Variants in ALDH1L2 observed in about 807,000 individuals in gnomAD.
ALDH1L2 encodes the protein mitochondrial 10-formyltetrahydrofolate dehydrogenase.
Under a neutral mutation model 111.0 loss-of-function variants are expected in ALDH1L2, and 91 were observed. The observed-to-expected ratio is 0.82, with a 90% confidence interval of 0.69 to 0.98. The LOEUF is 0.98. Ranked by LOEUF, ALDH1L2 falls within the 50% of genes least tolerant of loss-of-function variation. The pLI, the probability that ALDH1L2 is intolerant of heterozygous loss-of-function variation, is 0.00. For synonymous variants in ALDH1L2, 374 were observed against 392.6 expected (o/e 0.95, Z 0.56); for missense variants, 995 against 1,126.8 (o/e 0.88, Z 1.67).
At chr12:105,055,333 T>A (rs1876547242) in intron 10 of ALDH1L2, among the ~76,000 whole-genome samples, 2 of 152,162 alleles carry the variant, frequency 1.3e-5, no homozygotes, top group African/African-American at 4.8e-5. Context: ...GAACAGAGAC[T>A]TCAGTAGTGG....
At chr12:105,084,230 T>TTTTGTTTG (rs374082092) in intron 1 of ALDH1L2, among the ~76,000 whole-genome samples, 159 bp downstream of exon 1, 1 of 151,972 alleles carries the variant, frequency 6.6e-6, no homozygotes, top group African/African-American at 2.4e-5. Context: ...GTCTCTCTGT[T>TTTTGTTTG]TTTGTTTGTT....
chr12:105,032,092 T>C (rs1874733540), intron 19 of ALDH1L2, among the ~76,000 whole-genome samples, 158 bp from the exon 20 acceptor site: 1 of 151,046 alleles, frequency 6.6e-6, no homozygotes, highest in African/African-American at 2.4e-5. Flanking sequence ...TTTTTTTTCC[T>C]TTTTGGAGAC....
At chr12:105,038,281 C>T in intron 17 of ALDH1L2, 79 bp from the exon 18 acceptor site, 1 of 33,778 alleles carries the variant, frequency 3.0e-5, no homozygotes, top group Non-Finnish European at 5.1e-5. Flanking sequence ...CACACACAAA[C>T]ACACACACAC....
intron 9 of ALDH1L2, among the ~76,000 whole-genome samples, chr12:105,060,046 C>T (rs1272186535): frequency 6.6e-6 from 1 of 152,152 alleles, no homozygotes; most frequent in East Asian, 1.9e-4. Context: ...CTTTCTGGGA[C>T]TCCAGCCCTT....
chr12:105,083,543 C>T (rs1430176042), intron 1 of ALDH1L2, among the ~76,000 whole-genome samples: 1 of 152,142 alleles, frequency 6.6e-6, no homozygotes, highest in East Asian at 1.9e-4. Context: ...ATGGCTTTGG[C>T]ATGGCCGAGA....
At chr12:105,066,125 C>A (rs190412722) in intron 5 of ALDH1L2, among the ~76,000 whole-genome samples, 23 of 152,180 alleles carry the variant, frequency 1.5e-4, no homozygotes, top group African/African-American at 5.1e-4. Flanking sequence ...ACCTAGCATG[C>A]CAGATTTTTT....
rs1279757086 is a variant in ALDH1L2, at chr12:105,073,961, G to C, written c.93C>G (p.Ser31Arg). Residue 31 changes from serine (S) to arginine (R), a missense_variant, in exon 2 of 23, where the codon AGC becomes AGG. Coordinates refer to ENST00000258494, the MANE Select transcript of ALDH1L2 (RefSeq NM_001034173.4). ...GGCTATAGACTTCTTGTCCAAAGAG[G>C]CTCTGGCCAATTAGTGCCAACTTCA... is the stretch of plus-strand genomic sequence containing the variant. ...NKLKLALIGQSLFGQEVYSHL... is the reference protein window; with the variant it reads ...NKLKLALIGQRLFGQEVYSHL... 6.2e-7 allele frequency: 1 copy of C among 1,614,126 alleles called. No homozygotes were observed. The highest frequency in any genetic ancestry group is 1.7e-5 in the Admixed American group (1 of 60,020).
At chr12:105,064,804 C>T (rs1013715979) in intron 6 of ALDH1L2, among the ~76,000 whole-genome samples, 2 of 152,220 alleles carry the variant, frequency 1.3e-5, no homozygotes, top group African/African-American at 4.8e-5. Flanking sequence ...TCTCCCGCCT[C>T]AGCTCTCCCC....
intron 19 of ALDH1L2, among the ~76,000 whole-genome samples, chr12:105,033,380 C>T (rs1397347821): frequency 6.6e-6 from 1 of 152,170 alleles, no homozygotes; most frequent in Non-Finnish European, 1.5e-5. Flanking sequence ...TATAGCACTG[C>T]AGACTGTCTT....
intron 2 of ALDH1L2, among the ~76,000 whole-genome samples, chr12:105,071,625 TATATATATATATATATA>T (rs1219235634): frequency 4.2e-4 from 7 of 16,674 alleles, no homozygotes; most frequent in East Asian, 2.0e-3. Context: ...TATATATATA[TATATATATATATATATA>T]TTTTTTTTTT....
chr12:105,048,028 A>G (rs1278938983), intron 13 of ALDH1L2: 1 of 152,230 alleles, frequency 6.6e-6, no homozygotes, highest in Non-Finnish European at 1.5e-5. Context: ...TTCAGGTTTC[A>G]GAACTATTTG....
At chr12:105,080,176 T>A (rs1348318885) in intron 1 of ALDH1L2, among the ~76,000 whole-genome samples, 1 of 152,228 alleles carries the variant, frequency 6.6e-6, no homozygotes, top group African/African-American at 2.4e-5. Flanking sequence ...GGATCATTTT[T>A]AAACATAAAT....
At chr12:105,066,505 G>T in intron 5 of ALDH1L2, 63 bp downstream of exon 5, 1 of 1,456,468 alleles carries the variant, frequency 6.9e-7, no homozygotes, top group Non-Finnish European at 9.5e-7. Context: ...AGTATGTGGG[G>T]AACTACTGAA....
intron 17 of ALDH1L2, 135 bp downstream of exon 17, chr12:105,039,578 A>T: frequency 1.6e-6 from 1 of 638,602 alleles, no homozygotes; most frequent in South Asian, 2.0e-5. Flanking sequence ...AAATATTTCA[A>T]TACTCAGCAG....
In ALDH1L2 at chr12:105,022,635, C is replaced by T. The variant is rs1874216076; in HGVS notation, c.*1789G>A. The T allele has an allele frequency of 6.6e-6, 1 of 152,150 alleles. No individual in the cohort carries two copies. Among genetic ancestry groups the T allele is most frequent in the African/African-American group, 2.4e-5 (1 of 41,432 alleles). 9.4% of individuals were successfully genotyped at this position (152,150 alleles called of 1,614,324 possible). A position where few individuals can be genotyped will look rare whatever the true frequency, so the allele number is the denominator to read the frequency against. ...CAAATATGAACTGTCATTTTGGGCC[C>T]AGTGAATATTCATTCCAACTTAAAA... On this transcript the variant is annotated 3_prime_UTR_variant, in exon 23 of 23. Coordinates refer to ENST00000258494, the MANE Select transcript of ALDH1L2 (RefSeq NM_001034173.4).
rs75557333 is a variant in ALDH1L2, at chr12:105,058,595, T to C, written c.1140-375A>G. 3.5e-3 allele frequency among the ~76,000 whole-genome samples: 530 copies of C among 152,358 alleles called. 3 individuals carry two copies. Among genetic ancestry groups the C allele is most frequent in the Middle Eastern group, 0.014 (4 of 294 alleles). ...TCCTAACTGTAAAGATTATGAGAGA[T>C]GAATGTCATATTGTAGACTATTTTC... On this transcript the variant is annotated intron_variant, in intron 9 of 22. Coordinates refer to ENST00000258494, the MANE Select transcript of ALDH1L2 (RefSeq NM_001034173.4).
At chr12:105,056,971 G>A (rs1489163818) in intron 10 of ALDH1L2, among the ~76,000 whole-genome samples, 1 of 150,526 alleles carries the variant, frequency 6.6e-6, no homozygotes, top group Non-Finnish European at 1.5e-5. Flanking sequence ...AAAGTTTTCA[G>A]CAAATCTACA....
At chr12:105,027,953 A>G in intron 21 of ALDH1L2, among the ~76,000 whole-genome samples, 1 of 152,234 alleles carries the variant, frequency 6.6e-6, no homozygotes, top group East Asian at 1.9e-4. Context: ...GTTTGTATAC[A>G]CATCCAAGCA....
intron 10 of ALDH1L2, 118 bp from the exon 11 acceptor site, chr12:105,053,049 C>T (rs1484997823): frequency 4.3e-5 from 55 of 1,269,464 alleles, no homozygotes; most frequent in Middle Eastern, 2.1e-4. Flanking sequence ...ATTCTAGTTC[C>T]GACTGTACAG....
Sources: allele counts gnomAD v4.1 joint callset (sites outside exome capture counted in the v4.1 genomes callset), GRCh38; gene constraint gnomAD v4.1.1; transcripts MANE v1.5; gene names NCBI Gene and HGNC (gene_info 2026-07-23, HGNC 2026-07-21).